Variants in SLC25A12 observed in about 807,000 individuals in gnomAD.
The protein encoded by SLC25A12 is electrogenic aspartate/glutamate antiporter SLC25A12, mitochondrial.
Under a neutral mutation model 83.3 loss-of-function variants are expected in SLC25A12, and 32 were observed. The ratio of observed to expected loss-of-function variants is 0.38; its 90% CI spans 0.29 to 0.52. The LOEUF (loss-of-function observed/expected upper bound fraction) is 0.52, where lower values mean the gene tolerates loss of function less well. Among genes scored for constraint, SLC25A12 ranks in the 20% least tolerant of loss-of-function variants. SLC25A12 has a pLI of 0.84. For missense variants in SLC25A12, 611 were observed against 835.6 expected, an observed-to-expected ratio of 0.73 and a Z score of 3.31; for synonymous variants, 267 against 291.1, an observed-to-expected ratio of 0.92 and a Z score of 0.84.
At chr2:171,787,497 GCTTTTGTAGACAGAA>G in intron 17 of SLC25A12, 59 bp downstream of exon 17, 2 of 1,165,066 alleles carry the variant, frequency 1.7e-6, no homozygotes, top group Non-Finnish European at 2.6e-6. Flanking sequence ...TTGCAACAAT[GCTTTTGTAGACAGAA>G]CAAACATTTG....
intron 2 of SLC25A12, among the ~76,000 whole-genome samples, chr2:171,892,188 G>A (rs1685953115): frequency 6.6e-6 from 1 of 151,692 alleles, no homozygotes; most frequent in African/African-American, 2.4e-5. Flanking sequence ...AGAGAGAAAT[G>A]CAATATTTGG....
At chr2:171,788,216 A>C in intron 15 of SLC25A12, 1 of 371,672 alleles carries the variant, frequency 2.7e-6, no homozygotes, top group Non-Finnish European at 4.9e-6. Context: ...GAGAGAAAAA[A>C]AAAGTAGCAA....
chr2:171,875,892 G>A (rs1354185405), intron 2 of SLC25A12, among the ~76,000 whole-genome samples: 3 of 133,728 alleles, frequency 2.2e-5, no homozygotes, highest in Non-Finnish European at 3.1e-5. Context: ...CAGCCTGGGC[G>A]AGCGCAAGAC....
At chr2:171,815,407 G>A (rs1436704832) in intron 9 of SLC25A12, among the ~76,000 whole-genome samples, 1 of 152,112 alleles carries the variant, frequency 6.6e-6, no homozygotes, top group Non-Finnish European at 1.5e-5. Flanking sequence ...TAACTCTATT[G>A]TCAGCATTTA....
intron 9 of SLC25A12, among the ~76,000 whole-genome samples, chr2:171,819,410 A>G (rs1432172578): frequency 2.5e-5 from 1 of 40,130 alleles, no homozygotes; most frequent in African/African-American, 5.4e-5. Flanking sequence ...TTATATAAGT[A>G]TATAATTATG....
chr2:171,866,587 G>A (rs752635742), intron 3 of SLC25A12, among the ~76,000 whole-genome samples: 1,690 of 140,570 alleles, frequency 0.012, 18 homozygotes, highest in Admixed American at 0.042. Flanking sequence ...CGGGCGGGGG[G>A]CTGACCCCCC....
At chr2:171,875,910 CAA>C (rs34276775) in intron 2 of SLC25A12, among the ~76,000 whole-genome samples, 5 of 99,002 alleles carry the variant, frequency 5.1e-5, no homozygotes, top group Admixed American at 1.1e-4. Context: ...GACTCTGTCT[CAA>C]AAAAAAAAAA....
At chr2:171,816,277 G>A (rs1357560859) in intron 9 of SLC25A12, among the ~76,000 whole-genome samples, 1 of 151,786 alleles carries the variant, frequency 6.6e-6, no homozygotes, top group Non-Finnish European at 1.5e-5. Context: ...TGTTGCCCAG[G>A]CTGGTCTCAA....
At chr2:171,853,811 G>C (rs1684988987) in intron 4 of SLC25A12, among the ~76,000 whole-genome samples, 2 of 152,138 alleles carry the variant, frequency 1.3e-5, no homozygotes, top group Admixed American at 6.6e-5. Context: ...GTGTCTTATT[G>C]TTAAGTTGGT....
intron 10 of SLC25A12, among the ~76,000 whole-genome samples, chr2:171,814,369 T>C (rs1459864796): frequency 6.6e-6 from 1 of 151,960 alleles, no homozygotes; most frequent in Non-Finnish European, 1.5e-5. Context: ...AGTCCAGATA[T>C]TGTTAAGCAA....
At chr2:171,875,636 G>A (rs189465925) in intron 2 of SLC25A12, among the ~76,000 whole-genome samples, 192 of 149,084 alleles carry the variant, frequency 1.3e-3, no homozygotes, top group Middle Eastern at 0.012. Flanking sequence ...CATGGGGGCC[G>A]GGCGCGGTGG....
intron 3 of SLC25A12, among the ~76,000 whole-genome samples, chr2:171,867,586 C>T (rs11683867): frequency 0.77 from 116,953 of 151,980 alleles, 46,071 homozygotes; most frequent in East Asian, 0.89. Context: ...AGTCCAGCTT[C>T]GGCTCGGCAT....
chr2:171,889,669 T>C (rs960746136), intron 2 of SLC25A12, among the ~76,000 whole-genome samples: 2 of 150,774 alleles, frequency 1.3e-5, no homozygotes, highest in African/African-American at 4.9e-5. Flanking sequence ...AGTAACCAGA[T>C]TTTTTTTTAA....
chr2:171,830,857 T>G (rs1431236400), intron 8 of SLC25A12, among the ~76,000 whole-genome samples: 1 of 152,182 alleles, frequency 6.6e-6, no homozygotes, highest in East Asian at 1.9e-4. Context: ...ATGGCTCCCT[T>G]TAAGATTCAG....
intron 9 of SLC25A12, among the ~76,000 whole-genome samples, 183 bp from the exon 10 acceptor site, chr2:171,815,385 T>C (rs1684030951): frequency 6.6e-6 from 1 of 152,208 alleles, no homozygotes. Flanking sequence ...AAGCAATGTA[T>C]TTAAAAATAG....
intron 13 of SLC25A12, among the ~76,000 whole-genome samples, chr2:171,800,994 T>C (rs902193244): frequency 5.9e-5 from 9 of 152,090 alleles, no homozygotes; most frequent in Admixed American, 6.5e-5. Context: ...TGGGGTGAAA[T>C]GTTCATTATC....
chr2:171,795,522 G>A (rs1282031146), intron 13 of SLC25A12, among the ~76,000 whole-genome samples: 1 of 152,096 alleles, frequency 6.6e-6, no homozygotes, highest in Non-Finnish European at 1.5e-5. Flanking sequence ...TTAAATAATG[G>A]TTGCAAAGAC....
intron 1 of SLC25A12, 89 bp downstream of exon 1, chr2:171,894,114 G>A: frequency 6.6e-7 from 1 of 1,507,366 alleles, no homozygotes; most frequent in Non-Finnish European, 9.0e-7. Context: ...CCTAGACAAT[G>A]AATAAAATGG....
intron 9 of SLC25A12, among the ~76,000 whole-genome samples, chr2:171,815,594 A>C (rs1039412352): frequency 9.2e-5 from 14 of 152,224 alleles, no homozygotes; most frequent in African/African-American, 3.4e-4. Flanking sequence ...TAACTAACTT[A>C]AAATTTAAAA....
Sources: gnomAD v4.1 joint callset for allele counts (sites outside exome capture counted in the v4.1 genomes callset) on GRCh38, gnomAD v4.1.1 for gene constraint, MANE v1.5 for transcripts, NCBI Gene and HGNC (gene_info 2026-07-23, HGNC 2026-07-21) for gene names.